Variants in CYTH3 observed in about 807,000 individuals in gnomAD.
The protein encoded by CYTH3 is cytohesin-3.
CYTH3 carries 23 observed loss-of-function variants against 55.1 expected under a neutral mutation model. That is an observed-to-expected ratio of 0.42 (90% CI 0.30 to 0.59). The LOEUF is 0.59. CYTH3 is among the 20% of genes least tolerant of loss of function. CYTH3 has a pLI of 0.20. For missense variants in CYTH3, 413 were observed against 524.8 expected (o/e 0.79, Z 2.08); for synonymous variants, 249 against 194.9 (o/e 1.28, Z -2.31).
intron 1 of CYTH3, among the ~76,000 whole-genome samples, chr7:6,240,872 T>G (rs1779655307): frequency 2.6e-5 from 4 of 151,716 alleles, no homozygotes; most frequent in Non-Finnish European, 5.9e-5. Flanking sequence ...TCCCAGCACT[T>G]TGGAAGGCCA....
intron 1 of CYTH3, among the ~76,000 whole-genome samples, chr7:6,271,597 C>G (rs1469025607): frequency 6.6e-6 from 1 of 152,192 alleles, no homozygotes; most frequent in Non-Finnish European, 1.5e-5. Flanking sequence ...GCACGTTCCT[C>G]TGTTTTTAAA....
chr7:6,206,892 C>T (rs6962026), intron 1 of CYTH3, among the ~76,000 whole-genome samples: 49,004 of 151,830 alleles, frequency 0.32, 13,910 homozygotes, highest in East Asian at 0.75. Context: ...TAAGGGACAA[C>T]GGGGGAGACG....
chr7:6,171,742 A>G lies in CYTH3; in HGVS notation c.450-428T>C, dbSNP rs756126813. ...AGCCATAGCCCACAGGACGGTATCC[A>G]AAGCCCCACCTACAGCACTGGGCGC... On this transcript the variant is annotated intron_variant, in intron 6 of 12. Transcript: ENST00000350796. The surrounding 1 kb of genome is among the most constrained non-coding windows in gnomAD (Gnocchi z 6.7). 13 of 197,350 alleles carry G rather than the reference A, an allele frequency of 6.6e-5. No homozygotes were observed. The South Asian group carries it at 8.6e-4, about 13-fold the overall frequency. 12.2% of individuals were successfully genotyped at this position (197,350 alleles called of 1,614,324 possible). A position where few individuals can be genotyped will look rare whatever the true frequency, so the allele number is the denominator to read the frequency against.
chr7:6,204,772 G>A (rs944692204), intron 1 of CYTH3, among the ~76,000 whole-genome samples: 16 of 152,314 alleles, frequency 1.1e-4, no homozygotes, highest in African/African-American at 3.4e-4. Context: ...AATACTTAGA[G>A]TGCTCTATGT....
In CYTH3 at chr7:6,256,635, T is replaced by C. The variant is rs539251455; in HGVS notation, c.34+15839A>G. Among the ~76,000 whole-genome samples, 32 of 152,240 alleles carry C rather than the reference T, an allele frequency of 2.1e-4. 1 individual carries two copies. In the East Asian group the frequency reaches 5.8e-3, roughly 28 times the overall value. On this transcript the variant is annotated intron_variant, in intron 1 of 12. Transcript: ENST00000350796. ...AGCGGTGGAAGCAGTGGGAAGGTAA[T>C]AGAGACTTAAATCCTAAAACAAATG...
At position 6,165,535 on chromosome 7, in the gene CYTH3, A is replaced by T. The variant is rs1562872481; in HGVS notation, c.972+10T>A. On this transcript the variant is annotated intron_variant, in intron 11 of 12. Coordinates refer to ENST00000350796, the MANE Select transcript of CYTH3 (RefSeq NM_004227.4). ...CTGGCAGGAGAGAAGGTTCAGGAGG[A>T]AGAGCTTACGGGTTTCCGGGGGTCC... 1 of 1,613,444 alleles carries T rather than the reference A, an allele frequency of 6.2e-7. No individual in the cohort carries two copies. Among genetic ancestry groups the T allele is most frequent in the Non-Finnish European group, 8.5e-7 (1 of 1,179,628 alleles).
chr7:6,170,358 C>T lies in CYTH3; in HGVS notation c.823+177G>A, dbSNP rs1583733348. 1.1e-5 allele frequency: 7 copies of T among 618,106 alleles called. No homozygotes were observed. The Admixed American group carries it at 1.3e-4, about 11-fold the overall frequency. 38.3% of individuals were successfully genotyped at this position (618,106 alleles called of 1,614,324 possible). On this transcript the variant is annotated intron_variant, in intron 9 of 12. Coordinates refer to ENST00000350796, the MANE Select transcript of CYTH3 (RefSeq NM_004227.4). The surrounding 1 kb of genome is among the most constrained non-coding windows in gnomAD (Gnocchi z 7.8). Reference sequence around the variant, plus strand: ...CGGGCATGGCTCTGAGGCCCCGGCTCGGAGAAGCAGCCGTGGCCATGCAGC... The same window carrying T: ...CGGGCATGGCTCTGAGGCCCCGGCTTGGAGAAGCAGCCGTGGCCATGCAGC...
chr7:6,258,424 G>C (rs1317715015), intron 1 of CYTH3, among the ~76,000 whole-genome samples: 1 of 152,096 alleles, frequency 6.6e-6, no homozygotes, highest in Non-Finnish European at 1.5e-5. Flanking sequence ...GGCCAGACTT[G>C]GGTGACACTT....
At chr7:6,200,727 C>A (rs1360577973) in intron 1 of CYTH3, among the ~76,000 whole-genome samples, 1 of 152,120 alleles carries the variant, frequency 6.6e-6, no homozygotes, top group African/African-American at 2.4e-5. Context: ...AGAAATAACA[C>A]CTATCTCATA....
At chr7:6,245,991 TTAACCC>T (rs753920520) in intron 1 of CYTH3, among the ~76,000 whole-genome samples, 25 of 152,306 alleles carry the variant, frequency 1.6e-4, no homozygotes, top group Admixed American at 2.6e-4. Flanking sequence ...TTATCTCCCA[TTAACCC>T]TCTCCCCAAA....
intron 1 of CYTH3, among the ~76,000 whole-genome samples, chr7:6,220,574 C>CAAAAAAA (rs1191450197): frequency 3.2e-4 from 20 of 62,046 alleles, no homozygotes; most frequent in African/African-American, 9.7e-4. Context: ...CATCCTGTCT[C>CAAAAAAA]AAAAAAAAAA....
chr7:6,190,653 G>T, intron 1 of CYTH3, 122 bp from the exon 2 acceptor site: 1 of 732,458 alleles, frequency 1.4e-6, no homozygotes. Context: ...CTAAAGAAAT[G>T]CTCCCATTGA....
At chr7:6,223,108 C>T (rs1156990394) in intron 1 of CYTH3, among the ~76,000 whole-genome samples, 1 of 152,228 alleles carries the variant, frequency 6.6e-6, no homozygotes, top group Non-Finnish European at 1.5e-5. Context: ...GCGCCTCTGC[C>T]TGGCTGCCCT....
chr7:6,259,407 C>T lies in CYTH3; in HGVS notation c.34+13067G>A, dbSNP rs541862461. Among the ~76,000 whole-genome samples the T allele has an allele frequency of 5.3e-5, 8 of 152,078 alleles. 1 individual carries two copies. The highest frequency in any genetic ancestry group is 1.9e-4 in the African/African-American group (8 of 41,468). Reference sequence around the variant, plus strand: ...GTGTTCCTGGTGACTTACTAAAAACCAAGTCAGCTCAAAGAGTAAATTTAC... The same window carrying T: ...GTGTTCCTGGTGACTTACTAAAAACTAAGTCAGCTCAAAGAGTAAATTTAC... On this transcript the variant is annotated intron_variant, in intron 1 of 12. Transcript: ENST00000350796.
rs867903660 is a variant in CYTH3, at chr7:6,167,855, G to C, written c.824-2045C>G. 6.6e-6 allele frequency among the ~76,000 whole-genome samples: 1 copy of C among 152,344 alleles called. No individual in the cohort carries two copies. The highest frequency in any genetic ancestry group is 2.1e-4 in the South Asian group (1 of 4,830). On this transcript the variant is annotated intron_variant, in intron 9 of 12. Coordinates refer to ENST00000350796, the MANE Select transcript of CYTH3 (RefSeq NM_004227.4). This position sits in a 1 kb window ranked among gnomAD's most constrained non-coding sequence, Gnocchi z 5.5. Reference sequence around the variant, plus strand: ...CACACACCTGGCCCCGCCTGGGAGGGGTCTGCCAGGTGGCCTCTCAGCTCC... The same window carrying C: ...CACACACCTGGCCCCGCCTGGGAGGCGTCTGCCAGGTGGCCTCTCAGCTCC...
At chr7:6,271,499 G>T (rs1188043661) in intron 1 of CYTH3, among the ~76,000 whole-genome samples, 1 of 150,358 alleles carries the variant, frequency 6.7e-6, no homozygotes, top group African/African-American at 2.5e-5. Context: ...AAAAAAAAAA[G>T]TCTAGAGAAC....
intron 1 of CYTH3, among the ~76,000 whole-genome samples, chr7:6,256,398 C>T (rs6969863): frequency 0.09 from 13,676 of 152,280 alleles, 1,569 homozygotes; most frequent in African/African-American, 0.27. Flanking sequence ...TCTGAAGACA[C>T]AAATTCTTTG....
rs1450035440 is a variant in CYTH3 at position 6,194,488 on chromosome 7, C to T, written c.35-3957G>A. ...ACAAAAAACAAAAAAACCTTGAAAACAACACATGCATTTCAATCTCACCAG... is the reference window on the plus strand; with the variant it reads ...ACAAAAAACAAAAAAACCTTGAAAATAACACATGCATTTCAATCTCACCAG... On this transcript the variant is annotated intron_variant, in intron 1 of 12. Transcript: ENST00000350796. Among the ~76,000 whole-genome samples the T allele has an allele frequency of 2.6e-5, 4 of 152,164 alleles. No individual in the cohort carries two copies. The East Asian group carries it at 7.7e-4, about 29-fold the overall frequency.
intron 1 of CYTH3, among the ~76,000 whole-genome samples, chr7:6,243,324 G>A (rs1270358034): frequency 2.0e-5 from 3 of 152,224 alleles, no homozygotes; most frequent in Non-Finnish European, 4.4e-5. Flanking sequence ...TGACTGGCCA[G>A]GTCTGGCTCT....
Sources: allele counts gnomAD v4.1 joint callset (sites outside exome capture counted in the v4.1 genomes callset), GRCh38; gene constraint gnomAD v4.1.1; non-coding constraint Gnocchi (gnomAD v3.1); transcripts MANE v1.5; gene names NCBI Gene and HGNC (gene_info 2026-07-23, HGNC 2026-07-21).